Variants in ZNF131 observed in about 807,000 individuals in gnomAD.
ZNF131 encodes zinc finger and BTB domain containing 35.
ZNF131 carries 7 observed loss-of-function variants against 60.0 expected under a neutral mutation model. The observed-to-expected ratio is 0.12, with a 90% CI of 0.07 to 0.22. The LOEUF (loss-of-function observed/expected upper bound fraction) is 0.22. Ranked by LOEUF, ZNF131 falls within the 10% of genes least tolerant of loss-of-function variation. The pLI, the probability that ZNF131 is intolerant of heterozygous loss-of-function variation, is 1.00. For synonymous variants in ZNF131, 257 were observed against 253.2 expected (o/e 1.01, Z -0.14); for missense variants, 493 against 740.9 (o/e 0.67, Z 3.88).
intron 3 of ZNF131, among the ~76,000 whole-genome samples, chr5:43,131,961 A>G (rs957053495): frequency 6.6e-6 from 1 of 152,124 alleles, no homozygotes; most frequent in Admixed American, 6.6e-5. Context: ...TTTGTCATAG[A>G]CTTAGGAGTC....
chr5:43,130,264 C>CAAAAAAAAAAAAAAAAAAAAAAAAAAAA (rs570313526), intron 3 of ZNF131, among the ~76,000 whole-genome samples: 1 of 68,388 alleles, frequency 1.5e-5, no homozygotes, highest in African/African-American at 5.9e-5. Context: ...ACTCTGTCTC[C>CAAAAAAAAAAAAAAAAAAAAAAAAAAAA]AAAAAAAAAA....
intron 3 of ZNF131, among the ~76,000 whole-genome samples, chr5:43,131,748 G>A (rs1400963384): frequency 6.6e-6 from 1 of 151,484 alleles, no homozygotes; most frequent in Non-Finnish European, 1.5e-5. Context: ...GGAACAATAA[G>A]CAGTAATTCA....
chr5:43,130,713 C>T (rs960526218), intron 3 of ZNF131, among the ~76,000 whole-genome samples: 1 of 151,782 alleles, frequency 6.6e-6, no homozygotes, highest in Non-Finnish European at 1.5e-5. Context: ...TACAGGCATG[C>T]ACCACCATGC....
intron 4 of ZNF131, among the ~76,000 whole-genome samples, chr5:43,149,370 A>T (rs1157011158): frequency 6.6e-6 from 1 of 152,188 alleles, no homozygotes; most frequent in East Asian, 1.9e-4. Flanking sequence ...TAGTGTGTGT[A>T]TAAGTAGTTC....
At chr5:43,136,055 C>T (rs966358837) in intron 3 of ZNF131, among the ~76,000 whole-genome samples, 8 of 152,112 alleles carry the variant, frequency 5.3e-5, no homozygotes, top group African/African-American at 1.7e-4. Flanking sequence ...GTGGTGGTTG[C>T]GGTGAGCCGA....
chr5:43,136,351 A>G (rs1458723319), intron 3 of ZNF131, among the ~76,000 whole-genome samples: 3 of 152,130 alleles, frequency 2.0e-5, no homozygotes, highest in Non-Finnish European at 4.4e-5. Context: ...CCCTCTCAAA[A>G]TCCTGATGGA....
intron 4 of ZNF131, among the ~76,000 whole-genome samples, chr5:43,157,606 A>G (rs995460627): frequency 1.3e-5 from 2 of 152,108 alleles, no homozygotes; most frequent in African/African-American, 4.8e-5. Context: ...CCACCTTCCA[A>G]GTTTTGCTTC....
chr5:43,130,596 C>T (rs1391039121), intron 3 of ZNF131, among the ~76,000 whole-genome samples: 2 of 152,012 alleles, frequency 1.3e-5, no homozygotes, highest in South Asian at 4.1e-4. Flanking sequence ...CAGCGTTTTG[C>T]TCTTGTTGCC....
At chr5:43,152,535 G>C (rs1748454429) in intron 4 of ZNF131, among the ~76,000 whole-genome samples, 1 of 152,188 alleles carries the variant, frequency 6.6e-6, no homozygotes, top group Admixed American at 6.5e-5. Context: ...ATAGCCATTG[G>C]AGAGACCTGC....
chr5:43,167,748 G>A (rs147985486), intron 5 of ZNF131, among the ~76,000 whole-genome samples: 396 of 152,324 alleles, frequency 2.6e-3, no homozygotes, highest in African/African-American at 8.9e-3. Flanking sequence ...CAGGGGACAA[G>A]CATGTGCAAT....
At chr5:43,143,434 T>TG (rs753233309) in intron 4 of ZNF131, 143 of 1,431,342 alleles carry the variant, frequency 1.0e-4, no homozygotes, top group Admixed American at 3.2e-4. Flanking sequence ...TCTCCACTGT[T>TG]GCAAGTTTAT....
At position 43,135,910 on chromosome 5, in the gene ZNF131, G is replaced by A. The variant is rs542122318; in HGVS notation, c.227-3255G>A. ...AGGCGGGCATATCACAATTTCAGGA[G>A]TTCAAGACCAGCTGGCCAACGTAGT... On this transcript the variant is annotated intron_variant, in intron 3 of 6. Transcript: ENST00000682664. Among the ~76,000 whole-genome samples, 3 of 152,276 alleles carry A rather than the reference G, an allele frequency of 2.0e-5. No homozygotes were observed. The South Asian group carries it at 6.2e-4, about 32-fold the overall frequency.
chr5:43,143,652 A>G (rs757493541), intron 4 of ZNF131: 3 of 184,226 alleles, frequency 1.6e-5, no homozygotes, highest in Non-Finnish European at 3.4e-5. Context: ...GAACAAACTG[A>G]TCATTGGACA....
rs189033477 is a variant in ZNF131, at chr5:43,145,460, C to T, written c.371+6151C>T. On this transcript the variant is annotated intron_variant, in intron 4 of 6. Coordinates refer to ENST00000682664, the MANE Select transcript of ZNF131 (RefSeq NM_001330707.2). ...TTGAGGTCAGGAGTTTGAGACCAGC[C>T]TGGCCAAAATGGTGAAACATCGTCT... 9.2e-5 allele frequency among the ~76,000 whole-genome samples: 14 copies of T among 152,202 alleles called. No homozygotes were observed. In the East Asian group the frequency reaches 2.7e-3, roughly 29 times the overall value.
At chr5:43,121,757 C>T in intron 1 of ZNF131, 1 of 217,002 alleles carries the variant, frequency 4.6e-6, no homozygotes, top group Non-Finnish European at 9.2e-6. Flanking sequence ...GTTGGACTTG[C>T]GCGCCCTGGC....
At chr5:43,139,525 A>G (rs957289138) in intron 4 of ZNF131, among the ~76,000 whole-genome samples, 1 of 152,252 alleles carries the variant, frequency 6.6e-6, no homozygotes, top group African/African-American at 2.4e-5. Context: ...ATATTAAAGT[A>G]GCATCTTTGG....
intron 2 of ZNF131, 24 bp from the exon 3 acceptor site, chr5:43,123,180 ATTTTC>A: frequency 1.3e-6 from 2 of 1,548,490 alleles, no homozygotes; most frequent in Non-Finnish European, 8.7e-7. Flanking sequence ...CTTGTGTATG[ATTTTC>A]TTTTTTTTTC....
At chr5:43,147,945 T>G (rs1181556018) in intron 4 of ZNF131, among the ~76,000 whole-genome samples, 4 of 150,870 alleles carry the variant, frequency 2.7e-5, no homozygotes, top group Non-Finnish European at 5.9e-5. Flanking sequence ...TTCCAGCTAC[T>G]TGGGAGGCTG....
At chr5:43,130,785 C>G (rs761332749) in intron 3 of ZNF131, among the ~76,000 whole-genome samples, 1 of 151,640 alleles carries the variant, frequency 6.6e-6, no homozygotes, top group Non-Finnish European at 1.5e-5. Flanking sequence ...AGGCTGATCT[C>G]GAACTCCCGA....
Sources: allele counts gnomAD v4.1 joint callset (sites outside exome capture counted in the v4.1 genomes callset), GRCh38; gene constraint gnomAD v4.1.1; transcripts MANE v1.5; gene names NCBI Gene and HGNC (gene_info 2026-07-23, HGNC 2026-07-21).